The following XKR6 variants were observed in gnomAD, a reference collection of about 807,000 sequenced individuals.
XKR6 encodes XK-related protein 6.
A neutral mutation model predicts 56.7 loss-of-function variants in XKR6; 22 were observed. The ratio of observed to expected loss-of-function variants is 0.39; its 90% CI spans 0.28 to 0.55. XKR6 has a LOEUF of 0.55. Among genes scored for constraint, XKR6 ranks in the 20% least tolerant of loss-of-function variants. The pLI is 0.66. For synonymous variants in XKR6, 524 were observed against 387.8 expected, an observed-to-expected ratio of 1.35 and a Z score of -4.13; for missense variants, 852 against 889.0, an observed-to-expected ratio of 0.96 and a Z score of 0.53.
chr8:11,035,684 G>A (rs770075094), intron 1 of XKR6, among the ~76,000 whole-genome samples: 1 of 152,196 alleles, frequency 6.6e-6, no homozygotes, highest in Non-Finnish European at 1.5e-5. Context: ...CCTTACATGT[G>A]TACAGACAGT....
intron 2 of XKR6, among the ~76,000 whole-genome samples, chr8:10,903,916 C>T (rs1397127506): frequency 1.3e-5 from 2 of 152,186 alleles, no homozygotes; most frequent in African/African-American, 2.4e-5. Context: ...CAGGTTCTTC[C>T]TTCTCTGCAG....
In XKR6 at chr8:10,965,161, TG is replaced by T. The variant is rs568304292; in HGVS notation, c.765-40332del. Among the ~76,000 whole-genome samples the T allele has an allele frequency of 2.4e-3, 363 of 152,360 alleles. 2 individuals are homozygous for T. Among genetic ancestry groups the T allele is most frequent in the Non-Finnish European group, 3.0e-3 (207 of 68,032 alleles). On this transcript the variant is annotated intron_variant, in intron 1 of 2. Coordinates refer to ENST00000416569, the MANE Select transcript of XKR6 (RefSeq NM_173683.4). Reference sequence around the variant, plus strand: ...CTGGCCTCATGGATGGCGGGTCCCCTGGGTCCTGTGGACACACGTCCTTCTT... The same window carrying T: ...CTGGCCTCATGGATGGCGGGTCCCCTGGTCCTGTGGACACACGTCCTTCTT...
chr8:11,073,118 CCTGT>C (rs1800176812), intron 1 of XKR6, among the ~76,000 whole-genome samples: 2 of 152,168 alleles, frequency 1.3e-5, no homozygotes, highest in South Asian at 4.1e-4. Flanking sequence ...GACTTAGGGT[CCTGT>C]CTATCTTTTC....
chr8:11,071,620 G>A (rs1274418645), intron 1 of XKR6, among the ~76,000 whole-genome samples: 64 of 79,928 alleles, frequency 8.0e-4, no homozygotes, highest in Middle Eastern at 0.026. Context: ...CGAGTCCATG[G>A]GCCCCGAGTC....
chr8:10,928,358 C>G (rs530454852), intron 1 of XKR6, among the ~76,000 whole-genome samples: 1 of 152,364 alleles, frequency 6.6e-6, no homozygotes, highest in African/African-American at 2.4e-5. Context: ...CTCCTCCTAG[C>G]TTTACCTGGT....
intron 1 of XKR6, among the ~76,000 whole-genome samples, chr8:10,972,689 T>A (rs965431404): frequency 5.9e-5 from 9 of 152,198 alleles, no homozygotes; most frequent in Admixed American, 5.2e-4. Flanking sequence ...TAGAACAGGC[T>A]TGCCAGGGGC....
At position 11,160,911 on chromosome 8, in the gene XKR6, C is replaced by CAAAAAAAAAAAAAAAA. The variant is rs33931830; in HGVS notation, c.764+39649_764+39664dup. Among the ~76,000 whole-genome samples the CAAAAAAAAAAAAAAAA allele has an allele frequency of 1.8e-3, 117 of 63,776 alleles. 5 individuals are homozygous for CAAAAAAAAAAAAAAAA. Among genetic ancestry groups the CAAAAAAAAAAAAAAAA allele is most frequent in the African/African-American group, 7.3e-3 (112 of 15,364 alleles). 41.8% of individuals were successfully genotyped at this position (63,776 alleles called of 152,430 possible). A position where few individuals can be genotyped will look rare whatever the true frequency, so the allele number is the denominator to read the frequency against. The stretch of plus-strand genomic sequence containing the variant: ...TGGGCAACAGAACGAGACTCCGTCT[C>CAAAAAAAAAAAAAAAA]AAAAAAAAAAAAAAAAAAAAGAAAA... On this transcript the variant is annotated intron_variant, in intron 1 of 2. Transcript: ENST00000416569.
At chr8:11,195,838 G>C (rs1000578719) in intron 1 of XKR6, among the ~76,000 whole-genome samples, 8 of 151,008 alleles carry the variant, frequency 5.3e-5, no homozygotes, top group Middle Eastern at 3.4e-3. Context: ...TTTTTTAGTA[G>C]AGATGGGGTT....
At chr8:10,984,736 A>C (rs866097635) in intron 1 of XKR6, among the ~76,000 whole-genome samples, 3,708 of 83,408 alleles carry the variant, frequency 0.044, 70 homozygotes, top group East Asian at 0.072. Flanking sequence ...CTCTCTCTAT[A>C]TATATATATA....
intron 1 of XKR6, among the ~76,000 whole-genome samples, chr8:11,003,518 T>G (rs1798294263): frequency 6.6e-6 from 1 of 152,242 alleles, no homozygotes; most frequent in Admixed American, 6.5e-5. Context: ...CTGTCATAGC[T>G]ACCAGACTGA....
At chr8:11,080,484 T>C (rs1797678417) in intron 1 of XKR6, among the ~76,000 whole-genome samples, 1 of 152,278 alleles carries the variant, frequency 6.6e-6, no homozygotes, top group African/African-American at 2.4e-5. Flanking sequence ...CTATTTCTTG[T>C]TCTCTAAACA....
chr8:11,118,186 C>CA (rs1371385310), intron 1 of XKR6, among the ~76,000 whole-genome samples: 6 of 152,038 alleles, frequency 3.9e-5, no homozygotes, highest in East Asian at 1.9e-4. Flanking sequence ...TCTTAATATA[C>CA]AAAAAAATGA....
At chr8:11,161,019 C>T (rs1250926774) in intron 1 of XKR6, among the ~76,000 whole-genome samples, 1 of 151,920 alleles carries the variant, frequency 6.6e-6, no homozygotes, top group African/African-American at 2.4e-5. Flanking sequence ...GAATATGGGC[C>T]CTTCTAACCT....
At chr8:10,921,779 C>T (rs895565751) in intron 2 of XKR6, among the ~76,000 whole-genome samples, 15 of 152,194 alleles carry the variant, frequency 9.9e-5, no homozygotes, top group Non-Finnish European at 2.2e-4. Flanking sequence ...GGAGGCATAA[C>T]TTGGCAGCCC....
chr8:11,201,446 C>A lies in XKR6; in HGVS notation c.-107G>T, dbSNP rs970796353. 6 of 279,660 alleles carry A rather than the reference C, an allele frequency of 2.1e-5. No homozygotes were observed. Among genetic ancestry groups the A allele is most frequent in the East Asian group, 6.6e-5 (1 of 15,190 alleles). 17.3% of individuals were successfully genotyped at this position (279,660 alleles called of 1,614,324 possible). ...GGAAACGAATGGAGAGGAAGGGGGGCGGGGAGGAAGCGGGGGAGCAAACGA... is the reference window on the plus strand; with the variant it reads ...GGAAACGAATGGAGAGGAAGGGGGGAGGGGAGGAAGCGGGGGAGCAAACGA... On this transcript the variant is annotated 5_prime_UTR_variant, in exon 1 of 3. Transcript: ENST00000416569.
Position 10,960,616 on chromosome 8 carries a change from A to G in XKR6, c.765-35786T>C, listed in dbSNP as rs535760162. Among the ~76,000 whole-genome samples the G allele has an allele frequency of 5.5e-4, 84 of 152,368 alleles. No homozygotes were observed. In the South Asian group the frequency reaches 0.017, roughly 31 times the overall value. On this transcript the variant is annotated intron_variant, in intron 1 of 2. Transcript: ENST00000416569. ...CTCAACACAGCCCAGCCACAGGGGCATCATTCTCAATTTACAGATAAGGAA... is the reference window on the plus strand; with the variant it reads ...CTCAACACAGCCCAGCCACAGGGGCGTCATTCTCAATTTACAGATAAGGAA...
At chr8:10,932,976 T>G (rs1801106525) in intron 1 of XKR6, among the ~76,000 whole-genome samples, 1 of 150,672 alleles carries the variant, frequency 6.6e-6, no homozygotes, top group Non-Finnish European at 1.5e-5. Flanking sequence ...GTATTTCTAG[T>G]TCTAGATCCC....
At chr8:11,016,500 G>A (rs909849066) in intron 1 of XKR6, among the ~76,000 whole-genome samples, 1 of 152,208 alleles carries the variant, frequency 6.6e-6, no homozygotes, top group Admixed American at 6.5e-5. Context: ...GCTTCAAAGC[G>A]GGTAGCGCCT....
At chr8:11,198,826 G>GT (rs1804036386) in intron 1 of XKR6, among the ~76,000 whole-genome samples, 1 of 151,780 alleles carries the variant, frequency 6.6e-6, no homozygotes, top group Admixed American at 6.6e-5. Flanking sequence ...AATTCTACTG[G>GT]TATGTTAAAA....
Sources: allele counts gnomAD v4.1 joint callset (sites outside exome capture counted in the v4.1 genomes callset), GRCh38; gene constraint gnomAD v4.1.1; transcripts MANE v1.5; gene names NCBI Gene and HGNC (gene_info 2026-07-23, HGNC 2026-07-21).